Variants in EPHB1 observed in about 807,000 individuals in gnomAD.
The protein encoded by EPHB1 is EPH receptor B1.
A neutral mutation model predicts 94.4 loss-of-function variants in EPHB1; 30 were observed. The observed-to-expected ratio is 0.32, with a 90% confidence interval of 0.24 to 0.43. The LOEUF is 0.43. EPHB1 is among the 20% of genes least tolerant of loss of function. EPHB1 has a pLI of 1.00. For missense variants in EPHB1, 1,055 were observed against 1,308.3 expected, an observed-to-expected ratio of 0.81 and a Z score of 2.99; for synonymous variants, 522 against 489.1, an observed-to-expected ratio of 1.07 and a Z score of -0.89.
chr3:134,887,181 T>C (rs1257589364), intron 1 of EPHB1, among the ~76,000 whole-genome samples: 1 of 152,180 alleles, frequency 6.6e-6, no homozygotes, highest in African/African-American at 2.4e-5. Context: ...TCCAAACTGG[T>C]CTCACTCTCA....
intron 12 of EPHB1, among the ~76,000 whole-genome samples, chr3:135,234,140 AT>A (rs1943596149): frequency 6.6e-6 from 1 of 151,974 alleles, no homozygotes; most frequent in Admixed American, 6.6e-5. Context: ...CAGGCTGCAA[AT>A]TTTCCAAACT....
At chr3:134,935,286 C>G (rs563718075) in intron 2 of EPHB1, among the ~76,000 whole-genome samples, 2 of 152,212 alleles carry the variant, frequency 1.3e-5, no homozygotes, top group South Asian at 4.2e-4. Context: ...GAGGATAAGA[C>G]GAACAGGAGG....
In EPHB1 at chr3:135,221,128, G is replaced by A. The variant is rs918148390; in HGVS notation, c.2346+19439G>A. Among the ~76,000 whole-genome samples, 8 of 152,318 alleles carry A rather than the reference G, an allele frequency of 5.3e-5. 2 individuals are homozygous for A. The highest frequency in any genetic ancestry group is 5.2e-4 in the Admixed American group (8 of 15,298). On this transcript the variant is annotated intron_variant, in intron 12 of 15. Coordinates refer to ENST00000398015, the MANE Select transcript of EPHB1 (RefSeq NM_004441.5). ...CAATAAAATGATATGAAATGGCTTT[G>A]TAGCTGGATATTCTACCCTGAGAAA...
At chr3:135,236,436 G>C (rs556282488) in intron 12 of EPHB1, among the ~76,000 whole-genome samples, 1 of 151,976 alleles carries the variant, frequency 6.6e-6, no homozygotes, top group Non-Finnish European at 1.5e-5. Context: ...ACATTCACAG[G>C]TCTCACAGTT....
chr3:135,160,507 C>G (rs951290898), intron 6 of EPHB1, among the ~76,000 whole-genome samples: 16 of 152,192 alleles, frequency 1.1e-4, no homozygotes, highest in African/African-American at 3.6e-4. Flanking sequence ...TACCCCAGAT[C>G]TGCACAGGGG....
In EPHB1 at chr3:134,845,696, C is replaced by T. The variant is rs184241414; in HGVS notation, c.58+50007C>T. Among the ~76,000 whole-genome samples the T allele has an allele frequency of 1.9e-3, 295 of 152,324 alleles. 2 individuals are homozygous for T. Among genetic ancestry groups the T allele is most frequent in the Admixed American group, 6.0e-3 (92 of 15,304 alleles). On this transcript the variant is annotated intron_variant, in intron 1 of 15. Coordinates refer to ENST00000398015, the MANE Select transcript of EPHB1 (RefSeq NM_004441.5). Reference sequence around the variant, plus strand: ...AGGAGATATCCCAGCAGACCTTAGGCAGTAACGGTTATATACATGCTCACA... The same window carrying T: ...AGGAGATATCCCAGCAGACCTTAGGTAGTAACGGTTATATACATGCTCACA...
chr3:135,205,217 G>C (rs1942870449), intron 12 of EPHB1, among the ~76,000 whole-genome samples: 1 of 152,042 alleles, frequency 6.6e-6, no homozygotes, highest in Non-Finnish European at 1.5e-5. Flanking sequence ...TAGTGACATT[G>C]ATATCTTTTC....
intron 3 of EPHB1, among the ~76,000 whole-genome samples, chr3:135,043,260 A>AAAT (rs887161503): frequency 4.0e-5 from 6 of 148,600 alleles, no homozygotes; most frequent in African/African-American, 7.6e-5. Context: ...ATCAAATAAT[A>AAAT]AATAATAATA....
chr3:135,071,877 A>G (rs1937728858), intron 3 of EPHB1, among the ~76,000 whole-genome samples: 1 of 152,172 alleles, frequency 6.6e-6, no homozygotes, highest in Non-Finnish European at 1.5e-5. Flanking sequence ...TACCATCTCA[A>G]TAAATATCAC....
At chr3:135,169,706 C>A (rs1277715355) in intron 9 of EPHB1, among the ~76,000 whole-genome samples, 1 of 152,178 alleles carries the variant, frequency 6.6e-6, no homozygotes, top group Non-Finnish European at 1.5e-5. Flanking sequence ...GAACTCCCTA[C>A]ATTGGGAGTT....
chr3:135,143,125 G>C (rs1559849215), intron 5 of EPHB1, among the ~76,000 whole-genome samples: 1 of 151,802 alleles, frequency 6.6e-6, no homozygotes, highest in Non-Finnish European at 1.5e-5. Context: ...AGGGAAGGAG[G>C]TGGGTACAGG....
At chr3:135,118,433 A>G (rs1247183634) in intron 4 of EPHB1, among the ~76,000 whole-genome samples, 1 of 152,230 alleles carries the variant, frequency 6.6e-6, no homozygotes, top group East Asian at 1.9e-4. Context: ...TAAGACAGGT[A>G]TTACAACTGG....
intron 1 of EPHB1, among the ~76,000 whole-genome samples, chr3:134,806,593 G>T (rs1043521387): frequency 2.0e-5 from 3 of 152,148 alleles, no homozygotes; most frequent in Non-Finnish European, 2.9e-5. Flanking sequence ...CTGAGTTTGG[G>T]GTTGGAACAA....
chr3:135,150,517 C>A (rs956306840), intron 5 of EPHB1, among the ~76,000 whole-genome samples: 3 of 152,204 alleles, frequency 2.0e-5, no homozygotes, highest in African/African-American at 7.2e-5. Flanking sequence ...AGCCTTGTTG[C>A]TAAGTCCAGG....
At chr3:134,833,914 G>A (rs62272425) in intron 1 of EPHB1, among the ~76,000 whole-genome samples, 4 of 152,154 alleles carry the variant, frequency 2.6e-5, no homozygotes, top group Non-Finnish European at 4.4e-5. Context: ...AATAAGCAGA[G>A]ATAGTTACGG....
At chr3:135,183,026 T>TTTTCTTTCTTTCTTTCTTTC (rs373601553) in intron 10 of EPHB1, among the ~76,000 whole-genome samples, 1 of 94,660 alleles carries the variant, frequency 1.1e-5, no homozygotes, top group Non-Finnish European at 2.1e-5. Flanking sequence ...TTTTCTTTTC[T>TTTTCTTTCTTTCTTTCTTTC]TTTCTTTCTT....
At chr3:134,976,355 C>G (rs562178291) in intron 3 of EPHB1, among the ~76,000 whole-genome samples, 104 of 152,312 alleles carry the variant, frequency 6.8e-4, no homozygotes, top group African/African-American at 1.7e-3. Flanking sequence ...AGGAGAACAG[C>G]TCCTCACCTG....
At chr3:134,862,842 C>T (rs2037296062) in intron 1 of EPHB1, among the ~76,000 whole-genome samples, 1 of 152,204 alleles carries the variant, frequency 6.6e-6, no homozygotes, top group Admixed American at 6.5e-5. Context: ...CAGGGGCTGT[C>T]CTTTTGGGGC....
chr3:135,254,538 C>T (rs1255395980), intron 15 of EPHB1, among the ~76,000 whole-genome samples: 1 of 151,512 alleles, frequency 6.6e-6, no homozygotes, highest in African/African-American at 2.4e-5. Flanking sequence ...GTATATTGAA[C>T]CAGCCTTGCA....
Sources: allele counts gnomAD v4.1 joint callset (sites outside exome capture counted in the v4.1 genomes callset), GRCh38; gene constraint gnomAD v4.1.1; transcripts MANE v1.5; gene names NCBI Gene and HGNC (gene_info 2026-07-23, HGNC 2026-07-21).